The following PXDC1 variants were observed in gnomAD, a reference collection of about 807,000 sequenced individuals.
The protein encoded by PXDC1 is PX domain-containing protein 1.
A neutral mutation model predicts 24.4 loss-of-function variants in PXDC1; 13 were observed. That is an observed-to-expected ratio of 0.53 (90% CI 0.35 to 0.85). PXDC1 has a LOEUF of 0.85. Ranked by LOEUF, PXDC1 falls within the 40% of genes least tolerant of loss-of-function variation. The pLI is 0.01. For missense variants in PXDC1, 344 were observed against 309.3 expected (o/e 1.11, Z -0.84); for synonymous variants, 162 against 124.9 (o/e 1.30, Z -1.98).
At chr6:3,727,508 C>T (rs756242804) in intron 4 of PXDC1, 43 bp downstream of exon 4, 1 of 1,428,292 alleles carries the variant, frequency 7.0e-7, no homozygotes, top group Non-Finnish European at 9.9e-7. Context: ...AGGCAAATGG[C>T]TCAGGACAGT....
At chr6:3,723,964 C>T (rs1759999343) in intron 4 of PXDC1, among the ~76,000 whole-genome samples, 1 of 152,250 alleles carries the variant, frequency 6.6e-6, no homozygotes, top group African/African-American at 2.4e-5. Flanking sequence ...CTTAGCGAGG[C>T]CTTCATCCAT....
In PXDC1 at chr6:3,727,536, A is replaced by G. The variant is rs775228670; in HGVS notation, c.578+15T>C. 4 of 1,537,992 alleles carry G rather than the reference A, an allele frequency of 2.6e-6. No homozygotes were observed. The Admixed American group carries it at 6.7e-5, about 26-fold the overall frequency. Reference sequence around the variant, plus strand: ...AGGACAGTCTATGAAACGATATTCAAATCAGCATACTTACAAATGCTCTGT... The same window carrying G: ...AGGACAGTCTATGAAACGATATTCAGATCAGCATACTTACAAATGCTCTGT... On this transcript the variant is annotated intron_variant, in intron 4 of 4. Transcript: ENST00000380283.
intron 4 of PXDC1, among the ~76,000 whole-genome samples, 179 bp downstream of exon 4, chr6:3,727,372 A>G (rs1476555833): frequency 6.6e-6 from 1 of 152,184 alleles, no homozygotes; most frequent in Admixed American, 6.5e-5. Flanking sequence ...AGATTCACTC[A>G]TCAAGATCTC....
rs766896068 is a variant in PXDC1, at chr6:3,723,746, G to C, written c.579-10C>G. The C allele has an allele frequency of 6.8e-6, 11 of 1,609,228 alleles. No homozygotes were observed. The highest frequency in any genetic ancestry group is 2.2e-5 in the East Asian group (1 of 44,864). ...ACTGCCATTCTCAAATCTGAAATTA[G>C]AGAAACCAGAGGTGAGGGGTGGCTC... On this transcript the variant is annotated splice_polypyrimidine_tract_variant and intron_variant, in intron 4 of 4. Coordinates refer to ENST00000380283, the MANE Select transcript of PXDC1 (RefSeq NM_183373.4).
At chr6:3,732,787 G>A (rs1043235354) in intron 3 of PXDC1, among the ~76,000 whole-genome samples, 2 of 152,218 alleles carry the variant, frequency 1.3e-5, no homozygotes, top group African/African-American at 4.8e-5. Context: ...AGCACCTGCA[G>A]GTCCCCATCC....
chr6:3,729,365 G>A (rs938179183), intron 3 of PXDC1, among the ~76,000 whole-genome samples: 11 of 152,138 alleles, frequency 7.2e-5, no homozygotes, highest in African/African-American at 2.7e-4. Flanking sequence ...TCAAAATGTC[G>A]ATTCATCAGT....
In PXDC1 at chr6:3,738,133, T is replaced by G; in HGVS notation, c.272A>C (p.Lys91Thr). The change falls in exon 2 of 5, where the codon AAG becomes ACG. Residue 91 changes from lysine (K) to threonine (T), a missense_variant. Coordinates refer to ENST00000380283, the MANE Select transcript of PXDC1 (RefSeq NM_183373.4). ...CCTGGTCTCTATGTCGTGGGCTTCC[T>G]TTATGGCAACCAGTCCTAGAATTGA... ...GPLRQGLVAI[K>T]EAHDIETRLN... 6.2e-7 allele frequency: 1 copy of G among 1,613,888 alleles called. No homozygotes were observed.
At chr6:3,730,791 T>C (rs1561732407) in intron 3 of PXDC1, among the ~76,000 whole-genome samples, 3 of 152,252 alleles carry the variant, frequency 2.0e-5, no homozygotes, top group East Asian at 1.9e-4. Context: ...TAACTTGCCA[T>C]GTGCCTTCGG....
chr6:3,738,719 C>G (rs1760385779), intron 1 of PXDC1: 1 of 1,210,898 alleles, frequency 8.3e-7, no homozygotes, highest in Admixed American at 2.4e-5. Flanking sequence ...TTCCAGGAAT[C>G]TGGGCCTCTG....
chr6:3,738,130 T>A lies in PXDC1; in HGVS notation c.275A>T (p.Glu92Val), dbSNP rs1317834186. The change falls in exon 2 of 5, where the codon GAA becomes GTA. Residue 92 changes from glutamate to valine, a missense_variant. Glu to Val is a moderately radical substitution (Grantham distance 121). Coordinates refer to ENST00000380283, the MANE Select transcript of PXDC1 (RefSeq NM_183373.4). The stretch of plus-strand genomic sequence containing the variant: ...AAGCCTGGTCTCTATGTCGTGGGCT[T>A]CCTTTATGGCAACCAGTCCTAGAAT... The part of the protein sequence containing the change: ...PLRQGLVAIK[E>V]AHDIETRLNE... 3 of 1,613,966 alleles carry A rather than the reference T, an allele frequency of 1.9e-6. No individual in the cohort carries two copies. Among genetic ancestry groups the A allele is most frequent in the Non-Finnish European group, 2.5e-6 (3 of 1,179,900 alleles).
At chr6:3,743,386 A>G (rs1760492218) in intron 1 of PXDC1, among the ~76,000 whole-genome samples, 2 of 152,100 alleles carry the variant, frequency 1.3e-5, no homozygotes, top group African/African-American at 4.8e-5. Context: ...AATTACATTT[A>G]TATTGTTTCC....
chr6:3,748,189 G>A (rs1760610908), intron 1 of PXDC1, among the ~76,000 whole-genome samples: 1 of 152,162 alleles, frequency 6.6e-6, no homozygotes, highest in Non-Finnish European at 1.5e-5. Context: ...TGAAATGAAA[G>A]ACTTGGGCCC....
Position 3,746,391 on chromosome 6 carries a change from G to C in PXDC1, c.256+4885C>G, listed in dbSNP as rs191107278. 1.3e-3 allele frequency among the ~76,000 whole-genome samples: 199 copies of C among 152,330 alleles called. 1 individual carries two copies. The highest frequency in any genetic ancestry group is 2.3e-3 in the Non-Finnish European group (157 of 68,036). On this transcript the variant is annotated intron_variant, in intron 1 of 4. Coordinates refer to ENST00000380283, the MANE Select transcript of PXDC1 (RefSeq NM_183373.4). ...ACAGAAGGAAGAAAGAGGAAGAGGA[G>C]GCCGCGTGAAGGTGGGTGGCCCCAT... is the stretch of plus-strand genomic sequence containing the variant.
intron 3 of PXDC1, among the ~76,000 whole-genome samples, chr6:3,735,845 A>G (rs1760305283): frequency 6.6e-6 from 1 of 152,258 alleles, no homozygotes; most frequent in Non-Finnish European, 1.5e-5. Flanking sequence ...ATACACATGT[A>G]TCAAAACATC....
intron 1 of PXDC1, among the ~76,000 whole-genome samples, chr6:3,747,075 G>T (rs1760586687): frequency 6.6e-6 from 1 of 152,086 alleles, no homozygotes. Flanking sequence ...TGTGATCATG[G>T]CCTTACTAAG....
At chr6:3,732,811 T>C (rs984641550) in intron 3 of PXDC1, among the ~76,000 whole-genome samples, 2 of 152,080 alleles carry the variant, frequency 1.3e-5, no homozygotes, top group African/African-American at 4.8e-5. Context: ...GCCTACATCA[T>C]GAGAGCAGAG....
intron 1 of PXDC1, among the ~76,000 whole-genome samples, chr6:3,749,862 A>T (rs1165177987): frequency 1.3e-5 from 2 of 152,180 alleles, no homozygotes; most frequent in Non-Finnish European, 2.9e-5. Context: ...AGTGTATTTA[A>T]GCCTCGTTCC....
intron 1 of PXDC1, among the ~76,000 whole-genome samples, chr6:3,741,693 C>T (rs1236948540): frequency 6.6e-6 from 1 of 152,224 alleles, no homozygotes; most frequent in Non-Finnish European, 1.5e-5. Context: ...CAGCTGCTAC[C>T]ACCAGAGCTC....
At position 3,723,462 on chromosome 6, in the gene PXDC1, C is replaced by T; in HGVS notation, c.*157G>A. 1.5e-6 allele frequency: 1 copy of T among 675,670 alleles called. No individual in the cohort carries two copies. The highest frequency in any genetic ancestry group is 2.7e-6 in the Non-Finnish European group (1 of 373,662). The allele number at this position is 675,670 out of a possible 1,614,324, so 41.9% of individuals were successfully genotyped here. On this transcript the variant is annotated 3_prime_UTR_variant, in exon 5 of 5. Transcript: ENST00000380283. ...GGCCCACTAGGAGCCCCTGCTGCTC[C>T]ACTTGCAGGACACCCAGGCCTCCTG...
Sources: gnomAD v4.1 joint callset for allele counts (sites outside exome capture counted in the v4.1 genomes callset) on GRCh38, gnomAD v4.1.1 for gene constraint, MANE v1.5 for transcripts, NCBI Gene and HGNC (gene_info 2026-07-23, HGNC 2026-07-21) for gene names.